ASIC2: variants seen among roughly 807,000 people sequenced by gnomAD.
The protein encoded by ASIC2 is acid-sensing ion channel 2.
In ASIC2, 25 loss-of-function variants were observed where a neutral mutation model predicts 57.3. The ratio of observed to expected loss-of-function variants is 0.44; its 90% confidence interval spans 0.32 to 0.61. The LOEUF (loss-of-function observed/expected upper bound fraction) is 0.61. Ranked by LOEUF, ASIC2 falls within the 20% of genes least tolerant of loss-of-function variation. The probability of loss-of-function intolerance (pLI) is 0.06; values close to 1 mark genes in which losing one functional copy is unlikely to be tolerated. For synonymous variants in ASIC2, 319 were observed against 307.5 expected (o/e 1.04, Z -0.39); for missense variants, 641 against 738.1 (o/e 0.87, Z 1.52).
At chr17:33,847,015 C>T (rs1208720713) in intron 1 of ASIC2, among the ~76,000 whole-genome samples, 1 of 152,088 alleles carries the variant, frequency 6.6e-6, no homozygotes, top group East Asian at 1.9e-4. Flanking sequence ...TTCTTATTCC[C>T]ACCAGGAGAA....
At chr17:33,205,006 GT>G (rs1278819067) in intron 1 of ASIC2, among the ~76,000 whole-genome samples, 1 of 152,230 alleles carries the variant, frequency 6.6e-6, no homozygotes, top group Non-Finnish European at 1.5e-5. Flanking sequence ...AAGGTCTCTT[GT>G]TTACTTAAGA....
At chr17:33,703,707 G>T (rs1454751099) in intron 1 of ASIC2, among the ~76,000 whole-genome samples, 1 of 152,086 alleles carries the variant, frequency 6.6e-6, no homozygotes, top group Non-Finnish European at 1.5e-5. Flanking sequence ...GCAGGGGAAG[G>T]TACATTCAGG....
intron 1 of ASIC2, among the ~76,000 whole-genome samples, chr17:33,728,432 A>G (rs1156857312): frequency 2.6e-5 from 4 of 152,154 alleles, no homozygotes; most frequent in Non-Finnish European, 5.9e-5. Context: ...AACAGGGCAA[A>G]GATAAAGCAC....
chr17:33,080,208 G>C (rs2092107777), intron 3 of ASIC2, among the ~76,000 whole-genome samples: 1 of 152,118 alleles, frequency 6.6e-6, no homozygotes, highest in Non-Finnish European at 1.5e-5. Context: ...AGAGTGGGCA[G>C]GGAGGTGAAA....
intron 1 of ASIC2, among the ~76,000 whole-genome samples, chr17:33,879,825 C>T (rs960416821): frequency 1.2e-4 from 19 of 152,204 alleles, no homozygotes; most frequent in African/African-American, 3.9e-4. Context: ...CCACACCACA[C>T]CTATTCCAAA....
intron 1 of ASIC2, among the ~76,000 whole-genome samples, chr17:33,966,117 C>G (rs972275023): frequency 6.6e-6 from 1 of 152,196 alleles, no homozygotes; most frequent in Non-Finnish European, 1.5e-5. Flanking sequence ...CCACAATGAA[C>G]AATTCTGTAG....
At chr17:33,715,621 G>C (rs967486740) in intron 1 of ASIC2, among the ~76,000 whole-genome samples, 1 of 152,186 alleles carries the variant, frequency 6.6e-6, no homozygotes, top group Non-Finnish European at 1.5e-5. Flanking sequence ...GGAGTGGCCT[G>C]AATTCCTGAT....
At chr17:33,336,132 G>C (rs1907505607) in intron 1 of ASIC2, among the ~76,000 whole-genome samples, 1 of 151,868 alleles carries the variant, frequency 6.6e-6, no homozygotes. Flanking sequence ...TGTTCTGCTT[G>C]GGACTTTGGA....
intron 1 of ASIC2, among the ~76,000 whole-genome samples, chr17:33,636,233 T>C (rs954800155): frequency 6.6e-6 from 1 of 152,218 alleles, no homozygotes; most frequent in African/African-American, 2.4e-5. Context: ...TAACGGGTCA[T>C]GGTAGAGTTT....
chr17:33,090,730 C>T (rs1184489314), intron 2 of ASIC2, among the ~76,000 whole-genome samples: 3 of 151,948 alleles, frequency 2.0e-5, no homozygotes, highest in Non-Finnish European at 4.4e-5. Context: ...AAGGCATGAC[C>T]CATGGAAAGT....
intron 1 of ASIC2, among the ~76,000 whole-genome samples, chr17:33,719,844 G>A (rs993172455): frequency 2.6e-5 from 4 of 152,154 alleles, no homozygotes; most frequent in East Asian, 1.9e-4. Context: ...GCCGCACAGC[G>A]AGAATGAATG....
At chr17:34,151,072 C>T (rs1416259072) in intron 1 of ASIC2, among the ~76,000 whole-genome samples, 2 of 142,436 alleles carry the variant, frequency 1.4e-5, no homozygotes, top group East Asian at 4.1e-4. Flanking sequence ...AACTGCACTC[C>T]AGCCTGGGCA....
At chr17:33,068,528 T>TCAAAACAAAA (rs59094832) in intron 3 of ASIC2, among the ~76,000 whole-genome samples, 40,843 of 149,236 alleles carry the variant, frequency 0.27, 5,917 homozygotes, top group East Asian at 0.42. Context: ...AAACTCCATC[T>TCAAAACAAAA]CAAAACAAAA....
Position 33,101,702 on chromosome 17 carries a change from C to T in ASIC2, c.859+10215G>A, listed in dbSNP as rs564746738. Among the ~76,000 whole-genome samples, 4 of 152,328 alleles carry T rather than the reference C, an allele frequency of 2.6e-5. No individual in the cohort carries two copies. In the South Asian group the frequency reaches 6.2e-4, roughly 24 times the overall value. Reference sequence around the variant, plus strand: ...TGTTCCACGATGCTGCCTTTCCTTTCACCCTCCAAATATAGTGATATGATA... The same window carrying T: ...TGTTCCACGATGCTGCCTTTCCTTTTACCCTCCAAATATAGTGATATGATA... On this transcript the variant is annotated intron_variant, in intron 2 of 9. Coordinates refer to ENST00000225823, the MANE Select transcript of ASIC2 (RefSeq NM_183377.2).
At chr17:33,922,954 G>C (rs1186945972) in intron 1 of ASIC2, among the ~76,000 whole-genome samples, 1 of 152,130 alleles carries the variant, frequency 6.6e-6, no homozygotes, top group African/African-American at 2.4e-5. Context: ...CCTCTAGAGC[G>C]CATTTGCTCC....
intron 1 of ASIC2, among the ~76,000 whole-genome samples, chr17:33,697,707 C>G (rs1198502906): frequency 6.6e-6 from 1 of 152,192 alleles, no homozygotes; most frequent in Non-Finnish European, 1.5e-5. Flanking sequence ...AGTCCCTTGA[C>G]TAAGGACTGC....
At chr17:34,066,550 T>C (rs553859689) in intron 1 of ASIC2, among the ~76,000 whole-genome samples, 11 of 152,316 alleles carry the variant, frequency 7.2e-5, no homozygotes, top group African/African-American at 2.4e-4. Context: ...GCCCAGCAGC[T>C]GAAAGCCTTT....
intron 1 of ASIC2, among the ~76,000 whole-genome samples, chr17:33,324,932 C>G (rs763755972): frequency 1.6e-4 from 25 of 152,162 alleles, no homozygotes; most frequent in Admixed American, 6.5e-5. Context: ...GCCATTGTCC[C>G]TGACAGTCTG....
chr17:33,413,589 T>C (rs1288050631), intron 1 of ASIC2, among the ~76,000 whole-genome samples: 1 of 152,198 alleles, frequency 6.6e-6, no homozygotes, highest in East Asian at 1.9e-4. Context: ...TTTATTTTTC[T>C]CCCCAGCATC....
Sources: allele counts gnomAD v4.1 joint callset (sites outside exome capture counted in the v4.1 genomes callset), GRCh38; gene constraint gnomAD v4.1.1; transcripts MANE v1.5; gene names NCBI Gene and HGNC (gene_info 2026-07-23, HGNC 2026-07-21).